Variants in FER observed in about 807,000 individuals in gnomAD.
The protein encoded by FER is tyrosine-protein kinase Fer.
In FER, 63 loss-of-function variants were observed where a neutral mutation model predicts 111.0. The ratio of observed to expected loss-of-function variants is 0.57; its 90% CI spans 0.46 to 0.70. The LOEUF is 0.70. FER is among the 30% of genes least tolerant of loss of function. The pLI is 0.00. For missense variants in FER, 914 were observed against 954.0 expected (o/e 0.96, Z 0.55); for synonymous variants, 327 against 313.9 (o/e 1.04, Z -0.44).
At chr5:109,000,766 TAAAG>T (rs1339873859) in intron 13 of FER, among the ~76,000 whole-genome samples, 2 of 149,358 alleles carry the variant, frequency 1.3e-5, no homozygotes, top group East Asian at 3.9e-4. Flanking sequence ...GCAAGACTAA[TAAAG>T]AAGAAAAGAG....
intron 5 of FER, among the ~76,000 whole-genome samples, chr5:108,837,023 GA>G (rs1361162425): frequency 2.0e-5 from 3 of 152,088 alleles, no homozygotes; most frequent in African/African-American, 7.2e-5. Flanking sequence ...TATTAATGTA[GA>G]TATATCTTTT....
chr5:108,828,866 G>A (rs1759746482), intron 3 of FER, among the ~76,000 whole-genome samples: 1 of 152,124 alleles, frequency 6.6e-6, no homozygotes, highest in African/African-American at 2.4e-5. Flanking sequence ...TTGGGAGACC[G>A]GCAGGATGAT....
At chr5:108,861,293 C>G (rs1341315803) in intron 5 of FER, among the ~76,000 whole-genome samples, 2 of 152,162 alleles carry the variant, frequency 1.3e-5, no homozygotes, top group African/African-American at 4.8e-5. Context: ...ACTTTTTAGA[C>G]TAGCTTAATG....
chr5:109,024,571 C>T lies in FER; in HGVS notation c.1657-12851C>T, dbSNP rs17161585. On this transcript the variant is annotated intron_variant, in intron 13 of 19. Coordinates refer to ENST00000281092, the MANE Select transcript of FER (RefSeq NM_005246.4). ...CATAATGGCCAGAGTGTGTGAGCTA[C>T]GGAGGACGGTGGGTAGATACCAAAG... Among the ~76,000 whole-genome samples, 1,110 of 152,096 alleles carry T rather than the reference C, an allele frequency of 7.3e-3. 12 individuals carry two copies. Among genetic ancestry groups the T allele is most frequent in the African/African-American group, 0.025 (1,054 of 41,488 alleles).
At chr5:109,139,177 T>C (rs563975530) in intron 17 of FER, among the ~76,000 whole-genome samples, 3 of 152,100 alleles carry the variant, frequency 2.0e-5, no homozygotes, top group South Asian at 4.2e-4. Flanking sequence ...GATTCAAGGA[T>C]GGTATATAGG....
chr5:109,032,926 C>G (rs1205582041), intron 13 of FER, among the ~76,000 whole-genome samples: 1 of 152,086 alleles, frequency 6.6e-6, no homozygotes, highest in Non-Finnish European at 1.5e-5. Flanking sequence ...AGTCAGGAGT[C>G]TAAGTCAATC....
intron 9 of FER, among the ~76,000 whole-genome samples, chr5:108,892,608 T>G (rs1222446868): frequency 4.5e-4 from 68 of 152,270 alleles, no homozygotes; most frequent in South Asian, 2.1e-4. Flanking sequence ...TTTCTCTCTT[T>G]CTGTAGGTTG....
rs532756028 is a variant in FER, at chr5:109,142,369, A to G, written c.2049-38378A>G. Among the ~76,000 whole-genome samples, 6 of 152,326 alleles carry G rather than the reference A, an allele frequency of 3.9e-5. No homozygotes were observed. The East Asian group carries it at 1.2e-3, about 29-fold the overall frequency. ...CTAATGTTTTTATTATATAAATGAC[A>G]ATGATGGATGTATTGTTTGATGGTG... On this transcript the variant is annotated intron_variant, in intron 17 of 19. Transcript: ENST00000281092.
chr5:108,996,036 G>C (rs775647525), intron 13 of FER, among the ~76,000 whole-genome samples: 28 of 152,208 alleles, frequency 1.8e-4, no homozygotes, highest in Admixed American at 3.3e-4. Flanking sequence ...GCTTTTCTTC[G>C]TATGTTTGTT....
intron 10 of FER, among the ~76,000 whole-genome samples, chr5:108,913,602 C>G (rs532645668): frequency 1.5e-4 from 23 of 152,288 alleles, no homozygotes; most frequent in African/African-American, 4.6e-4. Context: ...TGGGCAGTGT[C>G]TACTAAAGAA....
At chr5:109,016,632 G>A (rs572455896) in intron 13 of FER, among the ~76,000 whole-genome samples, 5 of 152,166 alleles carry the variant, frequency 3.3e-5, no homozygotes, top group African/African-American at 1.2e-4. Flanking sequence ...TAGGTCGCTT[G>A]TCAAACAAAA....
chr5:109,179,339 G>T (rs1416234728), intron 17 of FER, among the ~76,000 whole-genome samples: 1 of 152,140 alleles, frequency 6.6e-6, no homozygotes, highest in Admixed American at 6.5e-5. Context: ...AGGGATTTAA[G>T]TTTTTGTGTA....
intron 13 of FER, among the ~76,000 whole-genome samples, chr5:108,988,247 T>A (rs1035640745): frequency 3.3e-5 from 5 of 152,216 alleles, no homozygotes; most frequent in South Asian, 2.1e-4. Flanking sequence ...TGGTCTGTAG[T>A]TTTTCTTTTT....
chr5:108,960,195 C>T (rs1468021755), intron 13 of FER, among the ~76,000 whole-genome samples: 1 of 152,034 alleles, frequency 6.6e-6, no homozygotes, highest in Non-Finnish European at 1.5e-5. Flanking sequence ...GTGCCAGTTC[C>T]AAGAATGCTG....
intron 13 of FER, among the ~76,000 whole-genome samples, chr5:109,028,933 C>G (rs1316003062): frequency 1.3e-5 from 2 of 152,156 alleles, no homozygotes; most frequent in African/African-American, 4.8e-5. Context: ...GGACCCCAAA[C>G]CAGGCACCAT....
At position 109,058,724 on chromosome 5, in the gene FER, C is replaced by CTTTTTTTTTTTTTT. The variant is rs746184286; in HGVS notation, c.1924+11539_1924+11552dup. 9.6e-4 allele frequency among the ~76,000 whole-genome samples: 73 copies of CTTTTTTTTTTTTTT among 76,254 alleles called. 5 individuals are homozygous for CTTTTTTTTTTTTTT. Among genetic ancestry groups the CTTTTTTTTTTTTTT allele is most frequent in the African/African-American group, 2.6e-3 (45 of 17,114 alleles). The allele number at this position is 76,254 out of a possible 152,430, so 50.0% of individuals were successfully genotyped here. A position where few individuals can be genotyped will look rare whatever the true frequency, so the allele number is the denominator to read the frequency against. On this transcript the variant is annotated intron_variant, in intron 16 of 19. Transcript: ENST00000281092. ...TCTTTTTCTTTTTCTTTCTTTCTTT[C>CTTTTTTTTTTTTTT]TTTTTTTTTTTTTTTTTTTTTTTTT...
chr5:108,863,413 C>T (rs1427843510), intron 5 of FER, among the ~76,000 whole-genome samples: 1 of 152,100 alleles, frequency 6.6e-6, no homozygotes. Flanking sequence ...GCTGCTGCAC[C>T]CAGGCAATTG....
intron 1 of FER, among the ~76,000 whole-genome samples, chr5:108,752,025 T>A (rs936287435): frequency 2.0e-5 from 3 of 152,132 alleles, no homozygotes; most frequent in African/African-American, 7.2e-5. Context: ...TTTATAGATC[T>A]CTGGATTGCT....
intron 16 of FER, among the ~76,000 whole-genome samples, chr5:109,098,844 G>A (rs145639973): frequency 2.2e-3 from 336 of 151,698 alleles, no homozygotes; most frequent in African/African-American, 6.6e-3. Context: ...ATTTGATTTT[G>A]TTAATGGCTC....
Sources: gnomAD v4.1 joint callset for allele counts (sites outside exome capture counted in the v4.1 genomes callset) on GRCh38, gnomAD v4.1.1 for gene constraint, MANE v1.5 for transcripts, NCBI Gene and HGNC (gene_info 2026-07-23, HGNC 2026-07-21) for gene names.